Variants in ATP6V0E1 observed in about 807,000 individuals in gnomAD.
ATP6V0E1 encodes ATPase H+ transporting V0 subunit e1.
In ATP6V0E1, 4 loss-of-function variants were observed where a neutral mutation model predicts 11.6. That is an observed-to-expected ratio of 0.35 (90% CI 0.17 to 0.79). The LOEUF (loss-of-function observed/expected upper bound fraction) is 0.79, where lower values mean the gene tolerates loss of function less well. Among genes scored for constraint, ATP6V0E1 ranks in the 30% least tolerant of loss-of-function variants. The pLI is 0.54. For missense variants in ATP6V0E1, 105 were observed against 100.0 expected, an observed-to-expected ratio of 1.05 and a Z score of -0.21; for synonymous variants, 36 against 34.8, an observed-to-expected ratio of 1.04 and a Z score of -0.13.
intron 2 of ATP6V0E1, among the ~76,000 whole-genome samples, chr5:173,019,710 A>G (rs1269970382): frequency 6.6e-6 from 1 of 152,166 alleles, no homozygotes; most frequent in Non-Finnish European, 1.5e-5. Flanking sequence ...GATGTGTTAC[A>G]TATTTTGGTG....
chr5:172,983,838 G>T lies in ATP6V0E1; in HGVS notation c.-23G>T. 1 of 1,609,952 alleles carries T rather than the reference G, an allele frequency of 6.2e-7. No individual in the cohort carries two copies. The highest frequency in any genetic ancestry group is 8.5e-7 in the Non-Finnish European group (1 of 1,176,568). ...GGATCCGAGTGAGGCGACGGGGTAG[G>T]GGTTGGCGCTCAGGCGGCGACCATG... On this transcript the variant is annotated 5_prime_UTR_variant, in exon 1 of 4. Transcript: ENST00000519374.
At chr5:173,016,125 T>C (rs192718354) in intron 2 of ATP6V0E1, among the ~76,000 whole-genome samples, 20 of 152,302 alleles carry the variant, frequency 1.3e-4, no homozygotes, top group Middle Eastern at 3.4e-3. Flanking sequence ...CCTCCCCGAT[T>C]TATAGCCAGT....
At chr5:173,034,153 C>T (rs898731767) in intron 3 of ATP6V0E1, among the ~76,000 whole-genome samples, 2 of 152,214 alleles carry the variant, frequency 1.3e-5, no homozygotes, top group African/African-American at 4.8e-5. Context: ...TTCATTCTTC[C>T]TGCTTTCTGT....
chr5:172,994,447 A>G (rs1160527633), intron 1 of ATP6V0E1, among the ~76,000 whole-genome samples: 1 of 152,204 alleles, frequency 6.6e-6, no homozygotes, highest in Non-Finnish European at 1.5e-5. Context: ...ATTACAGAGA[A>G]TACTACCAAA....
intron 1 of ATP6V0E1, among the ~76,000 whole-genome samples, chr5:172,989,864 T>C: frequency 6.6e-6 from 1 of 152,168 alleles, no homozygotes; most frequent in Non-Finnish European, 1.5e-5. Flanking sequence ...AAACAGGGTC[T>C]TACTCTGTTG....
At chr5:173,002,991 A>G (rs1228946172) in intron 2 of ATP6V0E1, among the ~76,000 whole-genome samples, 1 of 152,214 alleles carries the variant, frequency 6.6e-6, no homozygotes, top group Non-Finnish European at 1.5e-5. Context: ...TTTTGAGACC[A>G]GCCTGGGCAA....
chr5:172,993,537 A>T (rs1370680251), intron 1 of ATP6V0E1, among the ~76,000 whole-genome samples: 1 of 151,784 alleles, frequency 6.6e-6, no homozygotes, highest in Admixed American at 6.6e-5. Context: ...GAACTTCTAA[A>T]GGATGAGTTA....
At chr5:173,031,711 C>G (rs996330289) in intron 3 of ATP6V0E1, among the ~76,000 whole-genome samples, 2 of 149,278 alleles carry the variant, frequency 1.3e-5, no homozygotes, top group African/African-American at 4.9e-5. Context: ...CCCAGCTACT[C>G]GGGAGGCTGA....
chr5:173,007,058 T>C (rs1756240746), intron 2 of ATP6V0E1, among the ~76,000 whole-genome samples: 1 of 152,208 alleles, frequency 6.6e-6, no homozygotes, highest in Admixed American at 6.5e-5. Flanking sequence ...ATTTCAAGTT[T>C]AGAATTGGCA....
Position 172,999,910 on chromosome 5 carries a change from GA to G in ATP6V0E1, c.152+5089del, listed in dbSNP as rs1196552347. ...TCTGATCATACATCCTATTTAGCAT[GA>G]TATCTGAGTGAAAAATGTGGACGGA... is the stretch of plus-strand genomic sequence containing the variant. On this transcript the variant is annotated intron_variant, in intron 2 of 3. Coordinates refer to ENST00000519374, the MANE Select transcript of ATP6V0E1 (RefSeq NM_003945.4). Among the ~76,000 whole-genome samples the G allele has an allele frequency of 6.6e-5, 10 of 152,218 alleles. No individual in the cohort carries two copies. The South Asian group carries it at 2.1e-3, about 32-fold the overall frequency.
chr5:173,023,935 C>T (rs1756519385), intron 3 of ATP6V0E1, among the ~76,000 whole-genome samples: 1 of 152,142 alleles, frequency 6.6e-6, no homozygotes, highest in East Asian at 1.9e-4. Flanking sequence ...CGGTGGCTCA[C>T]CCCTCTAATC....
intron 3 of ATP6V0E1, among the ~76,000 whole-genome samples, chr5:173,022,229 T>C (rs572430223): frequency 6.6e-6 from 1 of 152,262 alleles, no homozygotes; most frequent in African/African-American, 2.4e-5. Context: ...AGGTTCAAGT[T>C]TTTTGGCTCT....
intron 2 of ATP6V0E1, among the ~76,000 whole-genome samples, chr5:172,997,504 G>T (rs1485903158): frequency 6.6e-6 from 1 of 152,048 alleles, no homozygotes; most frequent in Non-Finnish European, 1.5e-5. Context: ...CCACAAAATT[G>T]GAAGTGAAAG....
intron 2 of ATP6V0E1, among the ~76,000 whole-genome samples, chr5:172,996,296 A>C (rs1242552837): frequency 2.6e-5 from 4 of 152,198 alleles, no homozygotes; most frequent in Non-Finnish European, 4.4e-5. Context: ...TCGGTGGCTC[A>C]TGCCTGTAAT....
At chr5:173,023,216 C>G (rs1756510278) in intron 3 of ATP6V0E1, among the ~76,000 whole-genome samples, 2 of 151,962 alleles carry the variant, frequency 1.3e-5, no homozygotes, top group South Asian at 4.2e-4. Context: ...CATTTTGAGA[C>G]AGAGTCTTGC....
At chr5:173,017,840 C>CAAAAAAAAAAAA (rs538210275) in intron 2 of ATP6V0E1, among the ~76,000 whole-genome samples, 2 of 66,550 alleles carry the variant, frequency 3.0e-5, no homozygotes, top group Non-Finnish European at 6.6e-5. Context: ...GACTCCTTCT[C>CAAAAAAAAAAAA]AAAAAAAAAA....
At chr5:173,019,322 G>A (rs938784787) in intron 2 of ATP6V0E1, among the ~76,000 whole-genome samples, 1 of 152,082 alleles carries the variant, frequency 6.6e-6, no homozygotes, top group Non-Finnish European at 1.5e-5. Flanking sequence ...TTGGGAGGCC[G>A]AGGCGGGCAC....
chr5:173,015,287 T>C (rs192494012), intron 2 of ATP6V0E1, among the ~76,000 whole-genome samples: 1 of 152,336 alleles, frequency 6.6e-6, no homozygotes, highest in East Asian at 1.9e-4. Flanking sequence ...ATATGTGAAA[T>C]TGTGATATTG....
At chr5:173,010,086 G>T (rs970541076) in intron 2 of ATP6V0E1, among the ~76,000 whole-genome samples, 1 of 152,180 alleles carries the variant, frequency 6.6e-6, no homozygotes, top group Non-Finnish European at 1.5e-5. Context: ...GTTAAAGCCA[G>T]CTGTATCAGA....
Sources: gnomAD v4.1 joint callset for allele counts (sites outside exome capture counted in the v4.1 genomes callset) on GRCh38, gnomAD v4.1.1 for gene constraint, MANE v1.5 for transcripts, NCBI Gene and HGNC (gene_info 2026-07-23, HGNC 2026-07-21) for gene names.